The following PCBP3 variants were observed in gnomAD, a reference collection of about 807,000 sequenced individuals.
The protein encoded by PCBP3 is poly(rC) binding protein 3, also known as poly(rC)-binding protein 3.
Under a neutral mutation model 52.7 loss-of-function variants are expected in PCBP3, and 25 were observed. That is an observed-to-expected ratio of 0.47 (90% CI 0.35 to 0.66). PCBP3 has a LOEUF of 0.66. Ranked by LOEUF, PCBP3 falls within the 30% of genes least tolerant of loss-of-function variation. The probability of loss-of-function intolerance (pLI) is 0.01; values close to 1 mark genes in which losing one functional copy is unlikely to be tolerated. For synonymous variants in PCBP3, 162 were observed against 183.0 expected, an observed-to-expected ratio of 0.89 and a Z score of 0.93; for missense variants, 391 against 490.3, an observed-to-expected ratio of 0.80 and a Z score of 1.91.
At chr21:45,882,346 G>A (rs570557373) in intron 5 of PCBP3, among the ~76,000 whole-genome samples, 1 of 152,054 alleles carries the variant, frequency 6.6e-6, no homozygotes, top group South Asian at 2.1e-4. Context: ...CTTCCATTCC[G>A]TTTCTTTGCC....
At chr21:45,929,700 G>A (rs566003667) in intron 13 of PCBP3, among the ~76,000 whole-genome samples, 4 of 152,330 alleles carry the variant, frequency 2.6e-5, no homozygotes, top group African/African-American at 7.2e-5. Context: ...AGCGGCTTCC[G>A]GAGCTGCCTT....
intron 2 of PCBP3, among the ~76,000 whole-genome samples, chr21:45,734,492 A>T (rs1290426518): frequency 6.6e-6 from 1 of 152,054 alleles, no homozygotes; most frequent in Non-Finnish European, 1.5e-5. Flanking sequence ...GTGCATCCTG[A>T]TGAGACGGTG....
chr21:45,903,922 G>T (rs1036008891), intron 9 of PCBP3, among the ~76,000 whole-genome samples: 2 of 152,174 alleles, frequency 1.3e-5, no homozygotes, highest in Non-Finnish European at 2.9e-5. Context: ...CTGAATCGCT[G>T]CTTTGGCTGT....
chr21:45,814,789 T>G (rs963606151), intron 4 of PCBP3, among the ~76,000 whole-genome samples: 60 of 40,202 alleles, frequency 1.5e-3, no homozygotes, highest in South Asian at 3.7e-3. Flanking sequence ...TGATGAGTGG[T>G]GAGTGAGTGG....
rs1262918370 is a variant in PCBP3, at chr21:45,724,341, G to A, written c.-199-11051G>A. The stretch of plus-strand genomic sequence containing the variant: ...CGGTGTTACCCTGAGTTATGAGAAT[G>A]CAGTCTTTGGAAGTGGTGGGCTAAA... On this transcript the variant is annotated intron_variant, in intron 2 of 17. Coordinates refer to ENST00000681687, the MANE Select transcript of PCBP3 (RefSeq NM_001384156.1). This position sits in a 1 kb window ranked among gnomAD's most constrained non-coding sequence, Gnocchi z 5.3. 6.6e-6 allele frequency among the ~76,000 whole-genome samples: 1 copy of A among 151,318 alleles called. No homozygotes were observed. Among genetic ancestry groups the A allele is most frequent in the African/African-American group, 2.4e-5 (1 of 41,292 alleles).
At chr21:45,703,557 G>C (rs538038184) in intron 2 of PCBP3, among the ~76,000 whole-genome samples, 1 of 152,210 alleles carries the variant, frequency 6.6e-6, no homozygotes, top group Non-Finnish European at 1.5e-5. Context: ...AAGGGCCTTG[G>C]AGGCCGATAG....
intron 1 of PCBP3, among the ~76,000 whole-genome samples, chr21:45,657,057 G>A (rs988246624): frequency 2.6e-5 from 4 of 152,136 alleles, no homozygotes; most frequent in Non-Finnish European, 5.9e-5. Flanking sequence ...TCCTGACCTC[G>A]TGATCCACCT....
rs1202567122 is a variant in PCBP3 at position 45,896,324 on chromosome 21, A to G, written c.127A>G (p.Asn43Asp). 6.4e-7 allele frequency: 1 copy of G among 1,552,084 alleles called. No individual in the cohort carries two copies. Among genetic ancestry groups the G allele is most frequent in the Non-Finnish European group, 8.7e-7 (1 of 1,147,114 alleles). Residue 43 changes from asparagine (N) to aspartate (D), a missense_variant, in exon 6 of 18, where the codon AAT becomes GAT. By Grantham distance (23) the Asn-to-Asp change is conservative. Transcript: ENST00000681687. ...GTCCAAGGTCTCAGAAGGTGGCCTG[A>G]ATGTGACCCTCACCATCCGCCTGCT... ...MESKVSEGGL[N>D]VTLTIRLLMH...
rs1001767707 is a variant in PCBP3, at chr21:45,917,636, C to T, written c.717+7C>T. On this transcript the variant is annotated splice_region_variant and intron_variant, in intron 13 of 17. Coordinates refer to ENST00000681687, the MANE Select transcript of PCBP3 (RefSeq NM_001384156.1). This position sits in a 1 kb window ranked among gnomAD's most constrained non-coding sequence, Gnocchi z 5.3. Reference sequence around the variant, plus strand: ...TGCCATCCCTCACCCGGATGTGAGTCTTCACTTTGTCTTCCTCTCACCTTT... The same window carrying T: ...TGCCATCCCTCACCCGGATGTGAGTTTTCACTTTGTCTTCCTCTCACCTTT... 2.5e-6 allele frequency: 4 copies of T among 1,609,348 alleles called. No homozygotes were observed. The highest frequency in any genetic ancestry group is 3.4e-6 in the Non-Finnish European group (4 of 1,175,730).
chr21:45,877,877 C>A (rs2148731027), intron 5 of PCBP3, among the ~76,000 whole-genome samples: 1 of 152,372 alleles, frequency 6.6e-6, no homozygotes, highest in East Asian at 1.9e-4. Context: ...CTGAGCACAG[C>A]TGGGACTTCT....
chr21:45,846,425 GTTTGTTT>G (rs2093813009), intron 4 of PCBP3, among the ~76,000 whole-genome samples: 1 of 147,156 alleles, frequency 6.8e-6, no homozygotes, highest in African/African-American at 2.6e-5. Flanking sequence ...CTAGTTTTTT[GTTTGTTT>G]TTTTTTTTTA....
At chr21:45,888,140 G>A (rs757316613) in intron 5 of PCBP3, among the ~76,000 whole-genome samples, 1 of 152,230 alleles carries the variant, frequency 6.6e-6, no homozygotes. Context: ...GGGCAGGGGG[G>A]TCTGCCCTAG....
intron 2 of PCBP3, among the ~76,000 whole-genome samples, chr21:45,714,401 C>T (rs2084071145): frequency 1.3e-5 from 2 of 152,180 alleles, no homozygotes; most frequent in South Asian, 4.1e-4. Context: ...TCTCTTAACC[C>T]TTAGTCCCAT....
intron 15 of PCBP3, among the ~76,000 whole-genome samples, chr21:45,933,290 C>A (rs2076524260): frequency 6.6e-6 from 1 of 152,252 alleles, no homozygotes; most frequent in Admixed American, 6.5e-5. Flanking sequence ...GGGATGAACA[C>A]CTGGGCCTTG....
chr21:45,715,810 C>G (rs2084178615), intron 2 of PCBP3, among the ~76,000 whole-genome samples: 1 of 152,112 alleles, frequency 6.6e-6, no homozygotes, highest in Non-Finnish European at 1.5e-5. Context: ...GTATTCAAAT[C>G]ATTTTCCCAT....
At chr21:45,889,173 G>C (rs561727990) in intron 5 of PCBP3, among the ~76,000 whole-genome samples, 3 of 152,198 alleles carry the variant, frequency 2.0e-5, no homozygotes, top group East Asian at 1.9e-4. Context: ...GTGTGGGAGT[G>C]GGGGTTCAGG....
intron 4 of PCBP3, among the ~76,000 whole-genome samples, chr21:45,793,190 G>T (rs2091721824): frequency 6.6e-6 from 1 of 152,176 alleles, no homozygotes; most frequent in African/African-American, 2.4e-5. Context: ...TCCTTCAAAG[G>T]GAGTGCCAAA....
At position 45,917,159 on chromosome 21, in the gene PCBP3, A is replaced by T. The variant is rs2073592978; in HGVS notation, c.676-429A>T. On this transcript the variant is annotated intron_variant, in intron 12 of 17. Coordinates refer to ENST00000681687, the MANE Select transcript of PCBP3 (RefSeq NM_001384156.1). This position sits in a 1 kb window ranked among gnomAD's most constrained non-coding sequence, Gnocchi z 5.3. ...GGCTTTTGGTGAATTGGTTTTGGTCACCTTTTAGAGCTTTCTTTTGTTGTT... is the reference window on the plus strand; with the variant it reads ...GGCTTTTGGTGAATTGGTTTTGGTCTCCTTTTAGAGCTTTCTTTTGTTGTT... 1 of 163,698 alleles carries T rather than the reference A, an allele frequency of 6.1e-6. No homozygotes were observed. 10.1% of individuals were successfully genotyped at this position (163,698 alleles called of 1,614,324 possible).
chr21:45,651,444 TC>T (rs1451922234), intron 1 of PCBP3, among the ~76,000 whole-genome samples: 1 of 152,268 alleles, frequency 6.6e-6, no homozygotes, highest in East Asian at 1.9e-4. Flanking sequence ...CAGTGTTTTT[TC>T]CTACTTGTAT....
Sources: gnomAD v4.1 joint callset for allele counts (sites outside exome capture counted in the v4.1 genomes callset) on GRCh38, gnomAD v4.1.1 for gene constraint, Gnocchi (gnomAD v3.1) non-coding constraint, MANE v1.5 for transcripts, NCBI Gene and HGNC (gene_info 2026-07-23, HGNC 2026-07-21) for gene names.